The following FOCAD variants were observed in gnomAD, a reference collection of about 807,000 sequenced individuals.
FOCAD encodes focadhesin.
A neutral mutation model predicts 225.6 loss-of-function variants in FOCAD; 198 were observed. The ratio of observed to expected loss-of-function variants is 0.88; its 90% CI spans 0.78 to 0.99. The LOEUF (loss-of-function observed/expected upper bound fraction) is 0.99, where lower values mean the gene tolerates loss of function less well. Among genes scored for constraint, FOCAD ranks in the 50% least tolerant of loss-of-function variants. FOCAD has a pLI of 0.00. For missense variants in FOCAD, 2,713 were observed against 2,123.6 expected, an observed-to-expected ratio of 1.28 and a Z score of -5.46; for synonymous variants, 897 against 755.0, an observed-to-expected ratio of 1.19 and a Z score of -3.08.
At chr9:20,839,535 ACAGGTGTGAGC>A (rs1001259296) in intron 15 of FOCAD, among the ~76,000 whole-genome samples, 2 of 152,248 alleles carry the variant, frequency 1.3e-5, no homozygotes, top group African/African-American at 4.8e-5. Flanking sequence ...TGCTGAGATT[ACAGGTGTGAGC>A]CACTGCAACC....
intron 21 of FOCAD, among the ~76,000 whole-genome samples, chr9:20,886,506 G>A (rs1831113230): frequency 6.6e-6 from 1 of 152,198 alleles, no homozygotes; most frequent in Admixed American, 6.5e-5. Context: ...AAAAGCATTA[G>A]TGCAGGGGAT....
upstream of FOCAD, among the ~76,000 whole-genome samples, chr9:20,657,204 C>G (rs1277203000): frequency 1.3e-5 from 2 of 150,906 alleles, no homozygotes; most frequent in Non-Finnish European, 3.0e-5. Flanking sequence ...TCTGGCTGCC[C>G]TTAACATTTT....
chr9:20,901,694 C>T (rs918205749), intron 21 of FOCAD, among the ~76,000 whole-genome samples: 4 of 151,846 alleles, frequency 2.6e-5, no homozygotes, highest in African/African-American at 9.7e-5. Flanking sequence ...CATTCCCCTA[C>T]AATTGCGAAT....
intron 15 of FOCAD, 109 bp downstream of exon 15, chr9:20,823,224 T>C: frequency 8.1e-7 from 1 of 1,231,510 alleles, no homozygotes; most frequent in Non-Finnish European, 1.1e-6. Context: ...TGAGTGTTCA[T>C]TCCCAGTGAA....
chr9:20,703,309 G>A (rs1422859234), intron 1 of FOCAD, among the ~76,000 whole-genome samples: 3 of 152,118 alleles, frequency 2.0e-5, no homozygotes, highest in Admixed American at 6.5e-5. Context: ...AGACCCAGAT[G>A]TCGAAGGAGC....
chr9:20,726,155 T>TA (rs1826179214), intron 4 of FOCAD: 1 of 152,210 alleles, frequency 6.6e-6, no homozygotes, highest in Non-Finnish European at 1.5e-5. Context: ...GTTTTGAGTT[T>TA]AGATTGTTTT....
intron 35 of FOCAD, among the ~76,000 whole-genome samples, chr9:20,966,340 T>TTATC (rs1050759512): frequency 2.0e-5 from 3 of 152,208 alleles, no homozygotes; most frequent in Non-Finnish European, 1.5e-5. Context: ...TCTTGGAGAA[T>TTATC]TATCTGTTCA....
At chr9:20,924,008 G>T (rs1834710336) in intron 25 of FOCAD, among the ~76,000 whole-genome samples, 2 of 152,024 alleles carry the variant, frequency 1.3e-5, no homozygotes, top group South Asian at 4.1e-4. Context: ...TATGCCATAG[G>T]GGTTATCTTT....
At position 20,866,917 on chromosome 9, in the gene FOCAD, T is replaced by TTTTTTTTTTTTTTTTTTTTTTTTTTAA; in HGVS notation, c.2107-12_2107-11insTTTTTTTTTTTTTTTTTTTTTTTTTAA. 1.3e-6 allele frequency: 1 copy of TTTTTTTTTTTTTTTTTTTTTTTTTTAA among 764,972 alleles called. No individual in the cohort carries two copies. The highest frequency in any genetic ancestry group is 2.0e-6 in the Non-Finnish European group (1 of 498,468). 47.4% of individuals were successfully genotyped at this position (764,972 alleles called of 1,614,324 possible). On this transcript the variant is annotated splice_polypyrimidine_tract_variant and intron_variant, in intron 17 of 43. Coordinates refer to ENST00000338382, the MANE Select transcript of FOCAD (RefSeq NM_001375567.1). Reference sequence around the variant, plus strand: ...TTTTTTTTTTTTTTTTTTTTTTTTTTACCCTATCTAGGACCCAATTGTAGC... The same window carrying TTTTTTTTTTTTTTTTTTTTTTTTTTAA: ...TTTTTTTTTTTTTTTTTTTTTTTTTTTTTTTTTTTTTTTTTTTTTTTTTTTAAACCCTATCTAGGACCCAATTGTAGC...
At chr9:20,916,612 G>A (rs751802272) in intron 23 of FOCAD, among the ~76,000 whole-genome samples, 11 of 152,156 alleles carry the variant, frequency 7.2e-5, no homozygotes, top group Non-Finnish European at 1.6e-4. Context: ...TACTCACCAC[G>A]CTGTCTGAGA....
intron 2 of FOCAD, among the ~76,000 whole-genome samples, chr9:20,664,660 A>G (rs973932786): frequency 1.7e-5 from 2 of 118,208 alleles, no homozygotes; most frequent in Non-Finnish European, 3.4e-5. Flanking sequence ...TTTTTTTCTC[A>G]TGGAGATGAG....
chr9:20,907,152 T>G lies in FOCAD; in HGVS notation c.2628T>G (p.Val876=). ...KQTSLALVHE[V]HIQLSEWHRA... is the part of the protein sequence containing the mutation. Reference sequence around the variant, plus strand: ...GTTGTGGTACATTTTTCCCATAGGTTCATATCCAGCTTTCAGAGTGGCACC... The same window carrying G: ...GTTGTGGTACATTTTTCCCATAGGTGCATATCCAGCTTTCAGAGTGGCACC... Residue 876 remains valine (V), a splice_region_variant and synonymous_variant, in exon 22 of 44, where the codon GTT becomes GTG. Transcript: ENST00000338382. 1 of 1,612,490 alleles carries G rather than the reference T, an allele frequency of 6.2e-7. No individual in the cohort carries two copies. Among genetic ancestry groups the G allele is most frequent in the East Asian group, 2.2e-5 (1 of 44,838 alleles).
At chr9:20,803,312 A>C (rs540163339) in intron 11 of FOCAD, among the ~76,000 whole-genome samples, 2 of 152,146 alleles carry the variant, frequency 1.3e-5, no homozygotes, top group South Asian at 2.1e-4. Context: ...CCTACCTTCT[A>C]CCTGCCCCAT....
chr9:20,796,743 A>G (rs1180851988), intron 11 of FOCAD, among the ~76,000 whole-genome samples: 4 of 151,802 alleles, frequency 2.6e-5, no homozygotes, highest in African/African-American at 9.7e-5. Context: ...AGATTGCAAA[A>G]TTTTTCTCCC....
chr9:20,862,693 T>G lies in FOCAD; in HGVS notation c.2036T>G (p.Val679Gly). ...ELFSLVPSLT[V>G]NTTEYENFKV... ...TTTTCTCTAGTTCCTTCCTTAACGG[T>G]CAATACAACTGAATATGAGGTATGC... The change falls in exon 16 of 44, where the codon GTC (valine) becomes GGC (glycine). Residue 679 changes from valine (V) to glycine (G), a missense_variant. Physicochemically the swap from Val to Gly is moderately radical, Grantham distance 109. Transcript: ENST00000338382. 1 of 1,612,652 alleles carries G rather than the reference T, an allele frequency of 6.2e-7. No individual in the cohort carries two copies. Among genetic ancestry groups the G allele is most frequent in the Non-Finnish European group, 8.5e-7 (1 of 1,179,252 alleles).
intron 7 of FOCAD, among the ~76,000 whole-genome samples, chr9:20,769,549 C>T (rs1034971339): frequency 6.6e-6 from 1 of 152,152 alleles, no homozygotes; most frequent in East Asian, 1.9e-4. Flanking sequence ...CTATATCTGC[C>T]AAGTGTGGAG....
intron 5 of FOCAD, among the ~76,000 whole-genome samples, chr9:20,744,486 C>T (rs769086368): frequency 1.3e-5 from 2 of 152,162 alleles, no homozygotes; most frequent in Non-Finnish European, 2.9e-5. Flanking sequence ...ACCTTTGTAA[C>T]TGGAAGCATA....
chr9:20,809,126 G>T (rs1822776954), intron 11 of FOCAD, among the ~76,000 whole-genome samples: 1 of 152,158 alleles, frequency 6.6e-6, no homozygotes, highest in African/African-American at 2.4e-5. Flanking sequence ...TTTGGAGGCT[G>T]CCGGTGTTCA....
chr9:20,917,620 C>T (rs1420496471), intron 24 of FOCAD, among the ~76,000 whole-genome samples: 1 of 151,976 alleles, frequency 6.6e-6, no homozygotes, highest in African/African-American at 2.4e-5. Context: ...TCTCTAACTG[C>T]TGCCATTTCT....
Sources: gnomAD v4.1 joint callset for allele counts (sites outside exome capture counted in the v4.1 genomes callset) on GRCh38, gnomAD v4.1.1 for gene constraint, MANE v1.5 for transcripts, NCBI Gene and HGNC (gene_info 2026-07-23, HGNC 2026-07-21) for gene names.